Variants in MTHFD1L observed in about 807,000 individuals in gnomAD.
The protein encoded by MTHFD1L is methylenetetrahydrofolate dehydrogenase (NADP+ dependent) 1 like, also known as monofunctional C1-tetrahydrofolate synthase, mitochondrial.
In MTHFD1L, 81 loss-of-function variants were observed where a neutral mutation model predicts 119.5. The ratio of observed to expected loss-of-function variants is 0.68; its 90% CI spans 0.57 to 0.82. The LOEUF (loss-of-function observed/expected upper bound fraction) is 0.82, where lower values mean the gene tolerates loss of function less well. MTHFD1L is among the 40% of genes least tolerant of loss of function. MTHFD1L has a pLI of 0.00. For synonymous variants in MTHFD1L, 430 were observed against 475.2 expected, an observed-to-expected ratio of 0.90 and a Z score of 1.24; for missense variants, 1,125 against 1,253.4, an observed-to-expected ratio of 0.90 and a Z score of 1.55.
At chr6:150,938,528 GT>G (rs1214714299) in intron 12 of MTHFD1L, among the ~76,000 whole-genome samples, 170 bp from the exon 13 acceptor site, 1 of 151,062 alleles carries the variant, frequency 6.6e-6, no homozygotes, top group Admixed American at 6.6e-5. Context: ...AACTTTTTTT[GT>G]TGTTGTTCTG....
At chr6:150,898,463 T>A (rs1453474794) in intron 7 of MTHFD1L, among the ~76,000 whole-genome samples, 1 of 152,170 alleles carries the variant, frequency 6.6e-6, no homozygotes, top group Non-Finnish European at 1.5e-5. Flanking sequence ...GAAATCTGTC[T>A]GTGTGCAATG....
At chr6:151,095,080 A>G (rs758751050) in intron 27 of MTHFD1L, among the ~76,000 whole-genome samples, 1 of 152,224 alleles carries the variant, frequency 6.6e-6, no homozygotes, top group Admixed American at 6.5e-5. Flanking sequence ...GGGTGTTTGT[A>G]TGTGTTTTTT....
At chr6:150,973,056 A>G (rs538934285) in intron 20 of MTHFD1L, among the ~76,000 whole-genome samples, 3 of 152,258 alleles carry the variant, frequency 2.0e-5, no homozygotes, top group Non-Finnish European at 2.9e-5. Flanking sequence ...TTAATCTGAC[A>G]TATGAGGGAC....
chr6:151,035,076 A>G (rs1273347388), intron 25 of MTHFD1L, among the ~76,000 whole-genome samples: 1 of 152,128 alleles, frequency 6.6e-6, no homozygotes, highest in Non-Finnish European at 1.5e-5. Flanking sequence ...TTCTTATGCA[A>G]GCGGTTCACT....
intron 7 of MTHFD1L, among the ~76,000 whole-genome samples, chr6:150,897,377 G>A (rs2128813134): frequency 6.6e-6 from 1 of 152,258 alleles, no homozygotes; most frequent in South Asian, 2.1e-4. Flanking sequence ...ATGTTTGAAG[G>A]TTGGTCTGAA....
Position 151,048,276 on chromosome 6 carries a change from CTCTTCACT to C in MTHFD1L, c.2847+11161_2847+11168del, listed in dbSNP as rs548638644. On this transcript the variant is annotated intron_variant, in intron 26 of 27. Coordinates refer to ENST00000367321, the MANE Select transcript of MTHFD1L (RefSeq NM_015440.5). The stretch of plus-strand genomic sequence containing the variant: ...CACTCCATTTCTCTTTCAAGCACAC[CTCTTCACT>C]TGTGCCGCCAGCTAAGGTTTACTGC... Among the ~76,000 whole-genome samples, 428 of 152,228 alleles carry C rather than the reference CTCTTCACT, an allele frequency of 2.8e-3. 3 individuals are homozygous for C. The highest frequency in any genetic ancestry group is 9.2e-3 in the African/African-American group (383 of 41,538).
intron 7 of MTHFD1L, among the ~76,000 whole-genome samples, chr6:150,890,967 T>C (rs951158015): frequency 6.6e-6 from 1 of 152,060 alleles, no homozygotes; most frequent in African/African-American, 2.4e-5. Context: ...GATAGCAACA[T>C]GTTTTCTTGT....
At chr6:150,899,836 G>C (rs901325857) in intron 7 of MTHFD1L, among the ~76,000 whole-genome samples, 2 of 151,910 alleles carry the variant, frequency 1.3e-5, no homozygotes, top group African/African-American at 4.8e-5. Flanking sequence ...GCTGGGTGTG[G>C]TGGCATGCGC....
At chr6:151,015,961 C>T (rs1254486352) in intron 24 of MTHFD1L, among the ~76,000 whole-genome samples, 1 of 152,028 alleles carries the variant, frequency 6.6e-6, no homozygotes, top group Non-Finnish European at 1.5e-5. Context: ...GTGGCGTGCA[C>T]CTATAGTCCC....
intron 24 of MTHFD1L, among the ~76,000 whole-genome samples, chr6:151,018,286 G>C (rs1374032942): frequency 1.3e-5 from 2 of 152,188 alleles, no homozygotes; most frequent in Non-Finnish European, 2.9e-5. Flanking sequence ...TAAATCAATA[G>C]CATAAGTGAA....
intron 20 of MTHFD1L, among the ~76,000 whole-genome samples, chr6:151,004,490 G>A (rs966845267): frequency 2.6e-5 from 4 of 152,158 alleles, no homozygotes; most frequent in African/African-American, 9.7e-5. Context: ...TGTTGTTCTG[G>A]TGTTCTCGTT....
At chr6:150,918,778 A>C in intron 9 of MTHFD1L, 110 bp downstream of exon 9, 1 of 831,496 alleles carries the variant, frequency 1.2e-6, no homozygotes, top group South Asian at 1.5e-5. Flanking sequence ...AACACTTCAC[A>C]CACAGTGTTA....
chr6:151,067,144 C>T (rs1403686948), intron 26 of MTHFD1L, among the ~76,000 whole-genome samples: 1 of 151,752 alleles, frequency 6.6e-6, no homozygotes, highest in Non-Finnish European at 1.5e-5. Context: ...TAGGCGTGCA[C>T]CACCACGCCT....
chr6:151,049,407 G>T (rs1788637846), intron 26 of MTHFD1L, among the ~76,000 whole-genome samples: 3 of 152,000 alleles, frequency 2.0e-5, no homozygotes, highest in Non-Finnish European at 2.9e-5. Context: ...CAGGAGAATG[G>T]CGTGAACCCG....
chr6:150,934,029 T>C (rs1175483773), intron 11 of MTHFD1L, among the ~76,000 whole-genome samples: 1 of 152,244 alleles, frequency 6.6e-6, no homozygotes, highest in Admixed American at 6.5e-5. Context: ...CTTTTCTCAC[T>C]CGGTGCACTG....
intron 19 of MTHFD1L, among the ~76,000 whole-genome samples, chr6:150,967,356 G>A (rs1380339986): frequency 6.6e-6 from 1 of 152,148 alleles, no homozygotes; most frequent in Non-Finnish European, 1.5e-5. Context: ...CCCTCCCCAG[G>A]CCTGCTCGCT....
chr6:150,907,598 T>C (rs1786144984), intron 8 of MTHFD1L, among the ~76,000 whole-genome samples: 1 of 152,152 alleles, frequency 6.6e-6, no homozygotes, highest in Non-Finnish European at 1.5e-5. Context: ...GAAACCACGA[T>C]TTGCTGTCAC....
intron 20 of MTHFD1L, among the ~76,000 whole-genome samples, chr6:151,004,455 C>T (rs1331070865): frequency 6.6e-6 from 1 of 152,208 alleles, no homozygotes; most frequent in Non-Finnish European, 1.5e-5. Context: ...ATCATGGATA[C>T]TACATTTGCC....
intron 24 of MTHFD1L, among the ~76,000 whole-genome samples, chr6:151,031,846 T>C (rs1562566625): frequency 6.6e-6 from 1 of 152,222 alleles, no homozygotes; most frequent in African/African-American, 2.4e-5. Flanking sequence ...TTGTTCCATA[T>C]TGGGTTTATT....
Sources: gnomAD v4.1 joint callset for allele counts (sites outside exome capture counted in the v4.1 genomes callset) on GRCh38, gnomAD v4.1.1 for gene constraint, MANE v1.5 for transcripts, NCBI Gene and HGNC (gene_info 2026-07-23, HGNC 2026-07-21) for gene names.